The following SLC26A8 variants were observed in gnomAD, a reference collection of about 807,000 sequenced individuals.
SLC26A8 encodes solute carrier family 26 member 8.
SLC26A8 carries 70 observed loss-of-function variants against 105.0 expected under a neutral mutation model. That is an observed-to-expected ratio of 0.67 (90% CI 0.55 to 0.81). The LOEUF (loss-of-function observed/expected upper bound fraction) is 0.81, where lower values mean the gene tolerates loss of function less well. SLC26A8 is among the 40% of genes least tolerant of loss of function. The probability of loss-of-function intolerance (pLI) is 0.00; values close to 1 mark genes in which losing one functional copy is unlikely to be tolerated. For missense variants in SLC26A8, 998 were observed against 1,181.8 expected (o/e 0.84, Z 2.28); for synonymous variants, 415 against 438.3 (o/e 0.95, Z 0.66).
chr6:35,987,661 G>A (rs1471517197), intron 7 of SLC26A8, among the ~76,000 whole-genome samples: 2 of 151,786 alleles, frequency 1.3e-5, no homozygotes, highest in African/African-American at 2.4e-5. Context: ...GTGAGCCACC[G>A]CTCCCAGTCT....
chr6:35,960,702 T>A lies in SLC26A8; in HGVS notation c.1638+141A>T, dbSNP rs1009874297. ...AAAACAAAGAACCCATCTCTACCAG[T>A]GTACATCACATCCCCCTCCTTTGTA... On this transcript the variant is annotated intron_variant, in intron 14 of 19. Coordinates refer to ENST00000490799, the MANE Select transcript of SLC26A8 (RefSeq NM_052961.4). 3 of 779,916 alleles carry A rather than the reference T, an allele frequency of 3.8e-6. No individual in the cohort carries two copies. The African/African-American group carries it at 5.3e-5, about 14-fold the overall frequency. The allele number at this position is 779,916 out of a possible 1,614,324, so 48.3% of individuals were successfully genotyped here.
chr6:36,019,525 C>G lies in SLC26A8; in HGVS notation c.183G>C (p.Gln61His). Reference sequence around the variant, plus strand: ...GAAAGATTGGACACACGCACCGGCACTGGACGTGGTGTCTGAAGGTGGTGA... The same window carrying G: ...GAAAGATTGGACACACGCACCGGCAGTGGACGTGGTGTCTGAAGGTGGTGA... The part of the protein sequence containing the change: ...INITTFRHHV[Q>H]CRCSWHRFLR... The change falls in exon 2 of 20, where the codon CAG becomes CAC. Residue 61 changes from glutamine to histidine, a missense_variant. Gln to His is a conservative substitution (Grantham distance 24, BLOSUM62 0). Coordinates refer to ENST00000490799, the MANE Select transcript of SLC26A8 (RefSeq NM_052961.4). 6.2e-7 allele frequency: 1 copy of G among 1,612,822 alleles called. No homozygotes were observed. Among genetic ancestry groups the G allele is most frequent in the Non-Finnish European group, 8.5e-7 (1 of 1,179,618 alleles).
At chr6:35,988,249 G>T (rs1773610357) in intron 7 of SLC26A8, among the ~76,000 whole-genome samples, 1 of 152,146 alleles carries the variant, frequency 6.6e-6, no homozygotes, top group Admixed American at 6.5e-5. Flanking sequence ...TGCTGACTTA[G>T]AAAATCTGAG....
chr6:36,004,385 T>C (rs1761621699), intron 3 of SLC26A8, among the ~76,000 whole-genome samples: 1 of 152,220 alleles, frequency 6.6e-6, no homozygotes, highest in African/African-American at 2.4e-5. Context: ...CATAACTGAT[T>C]GTTATATGCT....
At chr6:35,972,694 G>A (rs1772843454) in intron 10 of SLC26A8, among the ~76,000 whole-genome samples, 1 of 152,222 alleles carries the variant, frequency 6.6e-6, no homozygotes, top group Non-Finnish European at 1.5e-5. Context: ...GCAGAACTGT[G>A]CTGCACAGAT....
chr6:35,951,358 A>G lies in SLC26A8; in HGVS notation c.2288-11T>C, dbSNP rs1562015921. 1 of 1,614,040 alleles carries G rather than the reference A, an allele frequency of 6.2e-7. No homozygotes were observed. The highest frequency in any genetic ancestry group is 1.3e-5 in the African/African-American group (1 of 74,994). ...CCCTGACTATGGAAGCTAAAAACCA[A>G]ACCCAGAACACACACAATGTCAGAT... On this transcript the variant is annotated splice_polypyrimidine_tract_variant and intron_variant, in intron 18 of 19. Transcript: ENST00000490799.
chr6:35,972,820 C>A (rs149570147), intron 10 of SLC26A8, among the ~76,000 whole-genome samples: 16 of 152,336 alleles, frequency 1.1e-4, no homozygotes, highest in Non-Finnish European at 2.2e-4. Context: ...GAAATTCAAT[C>A]GTCTGCCAAA....
At chr6:35,964,966 C>CCAA (rs1772451007) in intron 11 of SLC26A8, among the ~76,000 whole-genome samples, 1 of 122,904 alleles carries the variant, frequency 8.1e-6, no homozygotes, top group African/African-American at 2.7e-5. Context: ...GACCATGTCT[C>CCAA]AAAAAAAAAA....
intron 2 of SLC26A8, among the ~76,000 whole-genome samples, chr6:36,019,015 C>T (rs1321803252): frequency 6.6e-6 from 1 of 152,196 alleles, no homozygotes; most frequent in African/African-American, 2.4e-5. Context: ...CAACCTCCGC[C>T]TCCCAGGTTC....
chr6:35,956,774 C>T (rs1398373870), intron 16 of SLC26A8, among the ~76,000 whole-genome samples: 1 of 151,814 alleles, frequency 6.6e-6, no homozygotes, highest in Non-Finnish European at 1.5e-5. Context: ...ACAAAGTTAG[C>T]CAGGTGTGGT....
At chr6:35,952,713 A>T (rs1035612740) in intron 17 of SLC26A8, among the ~76,000 whole-genome samples, 1 of 152,060 alleles carries the variant, frequency 6.6e-6, no homozygotes, top group Non-Finnish European at 1.5e-5. Context: ...GCTGTCTCCA[A>T]TAAGAATGGA....
chr6:35,979,812 A>T (rs992400420), intron 8 of SLC26A8, among the ~76,000 whole-genome samples: 1 of 152,214 alleles, frequency 6.6e-6, no homozygotes, highest in Non-Finnish European at 1.5e-5. Flanking sequence ...GCTAACTTAA[A>T]TTGTCCAATC....
At chr6:35,998,931 G>T (rs927323588) in intron 4 of SLC26A8, among the ~76,000 whole-genome samples, 1 of 152,054 alleles carries the variant, frequency 6.6e-6, no homozygotes, top group African/African-American at 2.4e-5. Flanking sequence ...TTTCGCTCTT[G>T]TTGCCCAGGC....
chr6:36,016,001 T>G (rs1003664254), intron 2 of SLC26A8, among the ~76,000 whole-genome samples: 2 of 151,994 alleles, frequency 1.3e-5, no homozygotes, highest in Non-Finnish European at 2.9e-5. Flanking sequence ...TTTGTTTTTT[T>G]TTTTTCTTTT....
At chr6:35,991,320 C>T (rs1048337730) in intron 7 of SLC26A8, among the ~76,000 whole-genome samples, 1 of 150,128 alleles carries the variant, frequency 6.7e-6, no homozygotes, top group African/African-American at 2.5e-5. Context: ...AAGAGAATTG[C>T]TTGAACCTGG....
At chr6:35,975,664 A>G (rs180746424) in intron 9 of SLC26A8, among the ~76,000 whole-genome samples, 176 bp from the exon 10 acceptor site, 1 of 152,188 alleles carries the variant, frequency 6.6e-6, no homozygotes, top group African/African-American at 2.4e-5. Flanking sequence ...CTATAAGCTC[A>G]ACACTTTAGG....
chr6:36,019,660 G>T lies in SLC26A8; in HGVS notation c.48C>A (p.Ser16=). The T allele has an allele frequency of 6.2e-7, 1 of 1,614,046 alleles. No individual in the cohort carries two copies. Among genetic ancestry groups the T allele is most frequent in the Non-Finnish European group, 8.5e-7 (1 of 1,179,980 alleles). Reference sequence around the variant, plus strand: ...CATCATATGCGAATGAGTTTCGCCTGGACTTAGAGCTGAAGCCAGAGATGG... The same window carrying T: ...CATCATATGCGAATGAGTTTCGCCTTGACTTAGAGCTGAAGCCAGAGATGG... The part of the protein sequence containing the change: ...RSAISGFSSK[S]RRNSFAYDVK... The change falls in exon 2 of 20, where the codon TCC becomes TCA. Residue 16 remains serine (S), a synonymous_variant. Coordinates refer to ENST00000490799, the MANE Select transcript of SLC26A8 (RefSeq NM_052961.4).
intron 1 of SLC26A8, among the ~76,000 whole-genome samples, chr6:36,020,139 T>TA (rs1406473228): frequency 6.6e-6 from 1 of 152,238 alleles, no homozygotes; most frequent in Non-Finnish European, 1.5e-5. Flanking sequence ...GTAACTCCTC[T>TA]AAAATAGCAG....
intron 1 of SLC26A8, among the ~76,000 whole-genome samples, chr6:36,020,702 C>T (rs1762108207): frequency 6.6e-6 from 1 of 152,074 alleles, no homozygotes; most frequent in South Asian, 2.1e-4. Context: ...GGATCCATCT[C>T]TGGGAGAAAG....
Sources: gnomAD v4.1 joint callset for allele counts (sites outside exome capture counted in the v4.1 genomes callset) on GRCh38, gnomAD v4.1.1 for gene constraint, MANE v1.5 for transcripts, NCBI Gene and HGNC (gene_info 2026-07-23, HGNC 2026-07-21) for gene names.